ARHGEF12: variants seen among roughly 807,000 people sequenced by gnomAD.
ARHGEF12 encodes Rho guanine nucleotide exchange factor 12.
ARHGEF12 carries 66 observed loss-of-function variants against 211.2 expected under a neutral mutation model. The observed-to-expected ratio is 0.31, with a 90% CI of 0.26 to 0.38. The LOEUF is 0.38. Among genes scored for constraint, ARHGEF12 ranks in the 10% least tolerant of loss-of-function variants. The pLI is 1.00. For missense variants in ARHGEF12, 1,429 were observed against 1,869.5 expected (o/e 0.76, Z 4.34); for synonymous variants, 592 against 638.4 (o/e 0.93, Z 1.09).
At chr11:120,359,522 A>T (rs955900738) in intron 1 of ARHGEF12, among the ~76,000 whole-genome samples, 1 of 152,256 alleles carries the variant, frequency 6.6e-6, no homozygotes, top group Non-Finnish European at 1.5e-5. Context: ...GATTACAGGC[A>T]TAAGCCAAAG....
At position 120,475,486 on chromosome 11, in the gene ARHGEF12, T is replaced by C. The variant is rs747231543; in HGVS notation, c.3256T>C (p.Leu1086=). The C allele has an allele frequency of 4.3e-6, 7 of 1,613,720 alleles. No homozygotes were observed. In the Admixed American group the frequency reaches 1.2e-4, roughly 27 times the overall value. Residue 1086 remains leucine, a synonymous_variant, in exon 33 of 41, where the codon TTG becomes CTG. Coordinates refer to ENST00000397843, the MANE Select transcript of ARHGEF12 (RefSeq NM_015313.3). The stretch of plus-strand genomic sequence containing the variant: ...CCCTGTCATTAAGTTGAGTACAGTG[T>C]TGGTTCGACAAGTGGCAACAGGCAA... ...FSPVIKLSTV[L]VRQVATDNKA...
intron 1 of ARHGEF12, among the ~76,000 whole-genome samples, chr11:120,372,985 C>T (rs1943629376): frequency 6.6e-6 from 1 of 151,846 alleles, no homozygotes; most frequent in African/African-American, 2.4e-5. Context: ...TTGAAAAAAG[C>T]TATTCCGTAT....
intron 7 of ARHGEF12, 44 bp from the exon 8 acceptor site, chr11:120,428,025 G>A (rs1945401960): frequency 6.8e-7 from 1 of 1,476,724 alleles, no homozygotes; most frequent in Non-Finnish European, 9.0e-7. Flanking sequence ...TCTTGACAAT[G>A]TTATTTTCCC....
intron 22 of ARHGEF12, among the ~76,000 whole-genome samples, chr11:120,452,784 T>G (rs1946251145): frequency 6.6e-6 from 1 of 151,836 alleles, no homozygotes; most frequent in Non-Finnish European, 1.5e-5. Flanking sequence ...TCACCTGAGA[T>G]CAGGAGTTGG....
intron 1 of ARHGEF12, among the ~76,000 whole-genome samples, chr11:120,393,953 T>C (rs1369374817): frequency 1.3e-5 from 2 of 152,004 alleles, no homozygotes; most frequent in East Asian, 1.9e-4. Flanking sequence ...ATTAAAAGGA[T>C]TCAAGTCATA....
intron 1 of ARHGEF12, 156 bp from the exon 2 acceptor site, chr11:120,405,962 T>G: frequency 1.7e-6 from 1 of 578,264 alleles, no homozygotes; most frequent in Non-Finnish European, 2.9e-6. Flanking sequence ...AAACATGGTG[T>G]TCAACTTCTT....
chr11:120,429,735 A>G lies in ARHGEF12; in HGVS notation c.687A>G (p.Arg229=). 1 of 1,613,744 alleles carries G rather than the reference A, an allele frequency of 6.2e-7. No individual in the cohort carries two copies. The highest frequency in any genetic ancestry group is 8.5e-7 in the Non-Finnish European group (1 of 1,179,836). Residue 229 remains arginine (R), a synonymous_variant, in exon 10 of 41, where the codon CGA becomes CGG. Coordinates refer to ENST00000397843, the MANE Select transcript of ARHGEF12 (RefSeq NM_015313.3). Reference sequence around the variant, plus strand: ...AGTTATTGCAGGAAGATTACAACCGAACACCTGCCCAAAGATTGCTAAAAG... The same window carrying G: ...AGTTATTGCAGGAAGATTACAACCGGACACCTGCCCAAAGATTGCTAAAAG... ...RLQLLQEDYN[R]TPAQRLLKEI... is the part of the protein sequence containing the mutation.
Position 120,347,968 on chromosome 11 carries a change from G to T in ARHGEF12, c.32+10693G>T, listed in dbSNP as rs145949291. 1.6e-4 allele frequency among the ~76,000 whole-genome samples: 25 copies of T among 152,294 alleles called. No homozygotes were observed. The East Asian group carries it at 4.8e-3, about 29-fold the overall frequency. ...TATATAACATGATGGAAATATTTTA[G>T]TATAGTACCACTATCAAATTAATTT... On this transcript the variant is annotated intron_variant, in intron 1 of 40. Coordinates refer to ENST00000397843, the MANE Select transcript of ARHGEF12 (RefSeq NM_015313.3).
intron 1 of ARHGEF12, among the ~76,000 whole-genome samples, chr11:120,376,452 T>A (rs187693834): frequency 0.012 from 1,870 of 152,244 alleles, 34 homozygotes; most frequent in African/African-American, 0.043. Context: ...TTTCCTTCAT[T>A]TTATCTTTTA....
chr11:120,374,542 C>T (rs1390735704), intron 1 of ARHGEF12, among the ~76,000 whole-genome samples: 1 of 152,136 alleles, frequency 6.6e-6, no homozygotes, highest in Non-Finnish European at 1.5e-5. Context: ...TAAAGGTTTA[C>T]AAGGCTAAGA....
At chr11:120,346,676 G>T (rs1942733632) in intron 1 of ARHGEF12, among the ~76,000 whole-genome samples, 1 of 152,140 alleles carries the variant, frequency 6.6e-6, no homozygotes, top group African/African-American at 2.4e-5. Flanking sequence ...TTGTTAAATG[G>T]GTTATTTGGA....
intron 1 of ARHGEF12, among the ~76,000 whole-genome samples, chr11:120,396,529 C>T (rs1944393547): frequency 6.6e-6 from 1 of 152,066 alleles, no homozygotes. Flanking sequence ...GGTACTTCAC[C>T]CCTGTGGTAT....
intron 7 of ARHGEF12, among the ~76,000 whole-genome samples, chr11:120,426,128 C>G (rs538056950): frequency 1.3e-5 from 2 of 152,270 alleles, no homozygotes; most frequent in Non-Finnish European, 2.9e-5. Flanking sequence ...ATTAGATCCC[C>G]ATACTTGAAT....
chr11:120,459,159 C>G lies in ARHGEF12; in HGVS notation c.2381-15C>G, dbSNP rs1469732407. 4 of 1,592,078 alleles carry G rather than the reference C, an allele frequency of 2.5e-6. No homozygotes were observed. The highest frequency in any genetic ancestry group is 1.3e-5 in the African/African-American group (1 of 74,100). On this transcript the variant is annotated splice_polypyrimidine_tract_variant and intron_variant, in intron 25 of 40. Coordinates refer to ENST00000397843, the MANE Select transcript of ARHGEF12 (RefSeq NM_015313.3). ...TTCTAAGTAAGGCAACATTTCATAT[C>G]TCTTTCCTGTTCAGAATTGTTCTAC...
At chr11:120,418,381 G>A (rs937723849) in intron 4 of ARHGEF12, among the ~76,000 whole-genome samples, 10 of 152,142 alleles carry the variant, frequency 6.6e-5, no homozygotes, top group African/African-American at 2.4e-4. Context: ...ATCCATGTTT[G>A]TTGTATGAGT....
At chr11:120,454,054 C>T (rs1363799995) in intron 22 of ARHGEF12, among the ~76,000 whole-genome samples, 2 of 151,938 alleles carry the variant, frequency 1.3e-5, no homozygotes, top group South Asian at 2.1e-4. Flanking sequence ...TAAGTCCCTC[C>T]GCAGTATTGA....
At chr11:120,477,180 T>G (rs1292049025) in intron 34 of ARHGEF12, 39 bp from the exon 35 acceptor site, 1 of 1,587,580 alleles carries the variant, frequency 6.3e-7, no homozygotes, top group African/African-American at 1.3e-5. Context: ...ATTTCTTTTT[T>G]CTTTTTTGTA....
chr11:120,446,800 G>A (rs1946060720), intron 17 of ARHGEF12, 148 bp from the exon 18 acceptor site: 2 of 951,810 alleles, frequency 2.1e-6, no homozygotes, highest in Non-Finnish European at 3.0e-6. Context: ...TTTTTCCTCT[G>A]GTATCCTAGA....
rs549997830 is a variant in ARHGEF12, at chr11:120,379,666, C to CT, written c.33-26444dup. Among the ~76,000 whole-genome samples, 17 of 151,314 alleles carry CT rather than the reference C, an allele frequency of 1.1e-4. No homozygotes were observed. The South Asian group carries it at 1.3e-3, about 11-fold the overall frequency. On this transcript the variant is annotated intron_variant, in intron 1 of 40. Coordinates refer to ENST00000397843, the MANE Select transcript of ARHGEF12 (RefSeq NM_015313.3). ...ATCATATGGCTTTTCTGTTTTCTTT[C>CT]TTTTTTTTGACTTGCCAGGAGGTAT...
Sources: gnomAD v4.1 joint callset for allele counts (sites outside exome capture counted in the v4.1 genomes callset) on GRCh38, gnomAD v4.1.1 for gene constraint, MANE v1.5 for transcripts, NCBI Gene and HGNC (gene_info 2026-07-23, HGNC 2026-07-21) for gene names.